Variants in GGACT observed in about 807,000 individuals in gnomAD.
GGACT encodes gamma-glutamylaminecyclotransferase.
For missense variants in GGACT, 241 were observed against 233.2 expected (o/e 1.03, Z -0.22); for synonymous variants, 118 against 115.3 (o/e 1.02, Z -0.15).
At chr13:100,586,145 G>A (rs1030781415) in intron 1 of GGACT, among the ~76,000 whole-genome samples, 4 of 152,162 alleles carry the variant, frequency 2.6e-5, no homozygotes, top group African/African-American at 4.8e-5. Context: ...AATTTCATCA[G>A]GAGGTGATAA....
intron 2 of GGACT, chr13:100,533,396 A>C (rs1174312952): frequency 1.3e-5 from 2 of 152,216 alleles, no homozygotes; most frequent in Non-Finnish European, 1.5e-5. Context: ...TTGTATTAGG[A>C]CAGTCTGTCA....
intron 2 of GGACT, among the ~76,000 whole-genome samples, chr13:100,551,415 GGTGAGGAGGCCACTAGCCTC>G (rs1435170259): frequency 6.6e-6 from 1 of 152,218 alleles, no homozygotes; most frequent in Non-Finnish European, 1.5e-5. Flanking sequence ...CCCGTGGCAA[GGTGAGGAGGCCACTAGCCTC>G]TTCCCACCTG....
intron 2 of GGACT, among the ~76,000 whole-genome samples, chr13:100,554,876 C>T (rs1594190081): frequency 6.6e-6 from 1 of 152,072 alleles, no homozygotes; most frequent in Non-Finnish European, 1.5e-5. Flanking sequence ...GAGGGAACAT[C>T]ACTATAAAAC....
At chr13:100,576,050 T>C (rs1875239092) in intron 2 of GGACT, among the ~76,000 whole-genome samples, 1 of 152,218 alleles carries the variant, frequency 6.6e-6, no homozygotes, top group Non-Finnish European at 1.5e-5. Context: ...CCAAATATAA[T>C]CTCTTAATTA....
rs1054488951 is a variant in GGACT at position 100,545,216 on chromosome 13, G to A, written c.-10-12615C>T. 1.3e-5 allele frequency among the ~76,000 whole-genome samples: 2 copies of A among 152,218 alleles called. No individual in the cohort carries two copies. Among genetic ancestry groups the A allele is most frequent in the Non-Finnish European group, 2.9e-5 (2 of 68,028 alleles). On this transcript the variant is annotated intron_variant, in intron 2 of 2. Coordinates refer to ENST00000683975, the MANE Select transcript of GGACT (RefSeq NM_001195087.2). This position sits in a 1 kb window ranked among gnomAD's most constrained non-coding sequence, Gnocchi z 4.4. The stretch of plus-strand genomic sequence containing the variant: ...CCCCAAGGGAGAGCCCTGACTCCAT[G>A]CCCACCCCATGCCAAGTGCTTTACT...
intron 2 of GGACT, among the ~76,000 whole-genome samples, chr13:100,562,753 G>A (rs1015301119): frequency 3.3e-5 from 5 of 150,344 alleles, no homozygotes; most frequent in African/African-American, 7.4e-5. Context: ...CTGAGATCAC[G>A]CGACTGCACT....
chr13:100,556,663 G>C (rs1015682283), intron 2 of GGACT, among the ~76,000 whole-genome samples: 1 of 151,964 alleles, frequency 6.6e-6, no homozygotes, highest in African/African-American at 2.4e-5. Flanking sequence ...AGTGTAACTG[G>C]ATTGTTTATA....
chr13:100,562,985 G>A (rs1388856119), intron 2 of GGACT, among the ~76,000 whole-genome samples: 1 of 152,042 alleles, frequency 6.6e-6, no homozygotes, highest in African/African-American at 2.4e-5. Flanking sequence ...TGAATTGCAA[G>A]CAGACTCCAC....
Position 100,534,781 on chromosome 13 carries a change from C to G in GGACT, c.-10-2180G>C, listed in dbSNP as rs1031992569. Among the ~76,000 whole-genome samples the G allele has an allele frequency of 6.6e-6, 1 of 152,078 alleles. No individual in the cohort carries two copies. The highest frequency in any genetic ancestry group is 1.5e-5 in the Non-Finnish European group (1 of 67,998). ...TGCCTGCATCCCTGTTGTCTTTGTT[C>G]CCCTGGATCCTGCCCCCAGTGCACC... On this transcript the variant is annotated intron_variant, in intron 2 of 2. Coordinates refer to ENST00000683975, the MANE Select transcript of GGACT (RefSeq NM_001195087.2). The surrounding 1 kb of genome is among the most constrained non-coding windows in gnomAD (Gnocchi z 4.9).
In GGACT at chr13:100,531,863, G is replaced by A; in HGVS notation, c.*267C>T. 1 of 380,852 alleles carries A rather than the reference G, an allele frequency of 2.6e-6. No individual in the cohort carries two copies. Among genetic ancestry groups the A allele is most frequent in the Non-Finnish European group, 4.7e-6 (1 of 214,088 alleles). 23.6% of individuals were successfully genotyped at this position (380,852 alleles called of 1,614,324 possible). A position where few individuals can be genotyped will look rare whatever the true frequency, so the allele number is the denominator to read the frequency against. On this transcript the variant is annotated 3_prime_UTR_variant, in exon 3 of 3. Transcript: ENST00000683975. Reference sequence around the variant, plus strand: ...GCAGAAACAACACGAGGAGGAAGAAGAATTAGGCATAACACGAGTTCTCTA... The same window carrying A: ...GCAGAAACAACACGAGGAGGAAGAAAAATTAGGCATAACACGAGTTCTCTA...
At chr13:100,544,241 G>A (rs1034453789) in intron 2 of GGACT, among the ~76,000 whole-genome samples, 1 of 152,200 alleles carries the variant, frequency 6.6e-6, no homozygotes, top group Non-Finnish European at 1.5e-5. Flanking sequence ...TTCTTCAGAA[G>A]TTTCTTAGAA....
intron 2 of GGACT, chr13:100,533,310 G>A (rs1449109168): frequency 6.6e-6 from 1 of 152,536 alleles, no homozygotes; most frequent in Non-Finnish European, 1.5e-5. Flanking sequence ...GCCCTTGTGT[G>A]GTGGGCGCGG....
At chr13:100,581,168 C>T (rs2153017274) in intron 2 of GGACT, among the ~76,000 whole-genome samples, 1 of 152,296 alleles carries the variant, frequency 6.6e-6, no homozygotes, top group Middle Eastern at 3.4e-3. Flanking sequence ...TTCCTTGCTC[C>T]ATCAGCTGAG....
At chr13:100,566,691 T>G (rs1874896820) in intron 2 of GGACT, among the ~76,000 whole-genome samples, 1 of 152,228 alleles carries the variant, frequency 6.6e-6, no homozygotes, top group African/African-American at 2.4e-5. Flanking sequence ...CACTGGTTAG[T>G]TGCCAACCTG....
At chr13:100,576,428 A>G (rs906301682) in intron 2 of GGACT, among the ~76,000 whole-genome samples, 2 of 152,182 alleles carry the variant, frequency 1.3e-5, no homozygotes, top group Non-Finnish European at 2.9e-5. Flanking sequence ...TGACCCAGCA[A>G]TTGCACTCCT....
chr13:100,585,123 C>T (rs769778012), intron 1 of GGACT, among the ~76,000 whole-genome samples: 5 of 152,178 alleles, frequency 3.3e-5, no homozygotes, highest in African/African-American at 1.2e-4. Context: ...CCACACTCCA[C>T]GAAAAGCAGC....
chr13:100,572,991 G>A (rs1219487218), intron 2 of GGACT, among the ~76,000 whole-genome samples: 1 of 152,102 alleles, frequency 6.6e-6, no homozygotes, highest in Non-Finnish European at 1.5e-5. Context: ...CCTTGGAGAA[G>A]CATAGGGTAT....
rs2088524850 is a variant in GGACT at position 100,539,028 on chromosome 13, T to C, written c.-10-6427A>G. ...TTTCAGATTGCTTATTGTTAGTGTATAAAAATGCAATAATTATTTGTGTGA... is the reference window on the plus strand; with the variant it reads ...TTTCAGATTGCTTATTGTTAGTGTACAAAAATGCAATAATTATTTGTGTGA... On this transcript the variant is annotated intron_variant, in intron 2 of 2. Transcript: ENST00000683975. The C allele has an allele frequency of 2.0e-5, 3 of 152,204 alleles. No individual in the cohort carries two copies. In the South Asian group the frequency reaches 6.2e-4, roughly 31 times the overall value. 9.4% of individuals were successfully genotyped at this position (152,204 alleles called of 1,614,324 possible).
chr13:100,588,649 G>T (rs1010004827), intron 1 of GGACT, 92 bp downstream of exon 1: 1 of 151,718 alleles, frequency 6.6e-6, no homozygotes, highest in Non-Finnish European at 1.5e-5. Flanking sequence ...CGCGCAGGGA[G>T]CGACGCCCCA....
Sources: allele counts gnomAD v4.1 joint callset (sites outside exome capture counted in the v4.1 genomes callset), GRCh38; gene constraint gnomAD v4.1.1; non-coding constraint Gnocchi (gnomAD v3.1); transcripts MANE v1.5; gene names NCBI Gene and HGNC (gene_info 2026-07-23, HGNC 2026-07-21).